The following IBA57 variants were observed in gnomAD, a reference collection of about 807,000 sequenced individuals.
IBA57 encodes the protein iron-sulfur cluster assembly factor IBA57, mitochondrial.
Under a neutral mutation model 20.4 loss-of-function variants are expected in IBA57, and 20 were observed. That is an observed-to-expected ratio of 0.98 (90% CI 0.69 to 1.42). The LOEUF is 1.42. IBA57 is among the 40% of genes most tolerant of loss of function. IBA57 has a pLI of 0.00. For synonymous variants in IBA57, 310 were observed against 233.9 expected (o/e 1.33, Z -2.97); for missense variants, 608 against 499.3 (o/e 1.22, Z -2.07).
At position 228,174,939 on chromosome 1, in the gene IBA57, C is replaced by T. The variant is rs368114681; in HGVS notation, c.589C>T (p.Arg197Trp). The T allele has an allele frequency of 3.8e-6, 6 of 1,577,074 alleles. No homozygotes were observed. Among genetic ancestry groups the T allele is most frequent in the Admixed American group, 3.5e-5 (2 of 57,686 alleles). Residue 197 changes from arginine (R) to tryptophan (W), a missense_variant, in exon 2 of 3, where the codon CGG becomes TGG. Physicochemically the swap from Arg to Trp is moderately radical, Grantham distance 101 (BLOSUM62 -3). Coordinates refer to ENST00000366711, the MANE Select transcript of IBA57 (RefSeq NM_001010867.4). ...RDPRTARMGW[R>W]LLTQDEGPAL... ...CCCGCGAACAGCACGCATGGGGTGG[C>T]GGCTCCTCACCCAGGATGAAGGCCC...
intron 1 of IBA57, chr1:228,171,363 T>G (rs998554573): frequency 5.3e-5 from 8 of 152,002 alleles, no homozygotes; most frequent in African/African-American, 1.9e-4. Flanking sequence ...TGGCAGGGGT[T>G]GGGGTGGGCC....
At chr1:228,167,347 T>C (rs2034866922) in intron 1 of IBA57, among the ~76,000 whole-genome samples, 2 of 124,800 alleles carry the variant, frequency 1.6e-5, no homozygotes, top group South Asian at 5.9e-4. Context: ...CCAGGTGGTC[T>C]GGGGCTTCTT....
At chr1:228,173,837 G>A (rs953101641) in intron 1 of IBA57, among the ~76,000 whole-genome samples, 3 of 152,220 alleles carry the variant, frequency 2.0e-5, no homozygotes, top group African/African-American at 7.2e-5. Context: ...CCTCGGGCAG[G>A]CTATTGCAGT....
Position 228,174,860 on chromosome 1 carries a change from C to A in IBA57, c.510C>A (p.Cys170Ter), listed in dbSNP as rs769596500. The A allele has an allele frequency of 1.9e-6, 3 of 1,609,708 alleles. No individual in the cohort carries two copies. Among genetic ancestry groups the A allele is most frequent in the Middle Eastern group, 1.7e-4 (1 of 5,990 alleles). The change falls in exon 2 of 3, where the codon TGC becomes TGA. Residue 170 changes from cysteine to a stop codon, truncating the protein, a stop_gained. Transcript: ENST00000366711. LOFTEE classifies it high-confidence loss of function. ...WAVLPSSPEA[C>*]GAASLQERAG... ...TGTTGCCCAGTTCCCCTGAGGCCTG[C>A]GGGGCTGCATCGCTGCAGGAGAGGG...
At chr1:228,174,231 G>GTGAC (rs1160060522) in intron 1 of IBA57, among the ~76,000 whole-genome samples, 1 of 206 alleles carries the variant, frequency 4.9e-3, no homozygotes, top group African/African-American at 0.029. Flanking sequence ...CTCGCTGTGG[G>GTGAC]CGTGGCTCGC....
chr1:228,175,087 A>G (rs2034991177), intron 2 of IBA57, 35 bp from the exon 3 acceptor site: 1 of 1,593,598 alleles, frequency 6.3e-7, no homozygotes, highest in East Asian at 2.2e-5. Flanking sequence ...GACGATGTTC[A>G]ATTCTCGCTG....
chr1:228,173,944 C>A (rs1222656799), intron 1 of IBA57, among the ~76,000 whole-genome samples: 2 of 152,362 alleles, frequency 1.3e-5, no homozygotes, highest in Non-Finnish European at 2.9e-5. Flanking sequence ...CAGCTGCGCA[C>A]GGCTGTGGGC....
rs145601697 is a variant in IBA57, at chr1:228,175,261, C to T, written c.819C>T (p.Gly273=). ...TGACGGCCCGCACCCACCACATGGG[C>T]GTCATCCGCAAGCGCCTCTTCCCTG... ...QELTARTHHM[G]VIRKRLFPVR... The change falls in exon 3 of 3, where the codon GGC becomes GGT. Residue 273 remains glycine, a synonymous_variant. Transcript: ENST00000366711. 6.2e-6 allele frequency: 10 copies of T among 1,612,740 alleles called. No individual in the cohort carries two copies. Among genetic ancestry groups the T allele is most frequent in the East Asian group, 2.2e-5 (1 of 44,858 alleles).
chr1:228,166,422 G>C (rs2034854520), intron 1 of IBA57, among the ~76,000 whole-genome samples: 1 of 152,198 alleles, frequency 6.6e-6, no homozygotes, highest in African/African-American at 2.4e-5. Context: ...ACCCAGAGGA[G>C]GGCTTGGCTC....
At chr1:228,172,867 G>C (rs73095424) in intron 1 of IBA57, 1 of 152,270 alleles carries the variant, frequency 6.6e-6, no homozygotes, top group Non-Finnish European at 1.5e-5. Flanking sequence ...ACCTTTCCGC[G>C]GCACACCTGC....
At chr1:228,173,821 T>G (rs1032884179) in intron 1 of IBA57, among the ~76,000 whole-genome samples, 8 of 152,226 alleles carry the variant, frequency 5.3e-5, no homozygotes, top group Non-Finnish European at 1.0e-4. Flanking sequence ...CTACTCCGGA[T>G]GATGCCCTCG....
In IBA57 at chr1:228,179,035, T is replaced by G. The variant is rs2035069281; in HGVS notation, c.*3522T>G. 1 of 151,596 alleles carries G rather than the reference T, an allele frequency of 6.6e-6. No individual in the cohort carries two copies. Among genetic ancestry groups the G allele is most frequent in the Non-Finnish European group, 1.5e-5 (1 of 67,988 alleles). 9.4% of individuals were successfully genotyped at this position (151,596 alleles called of 1,614,324 possible). On this transcript the variant is annotated 3_prime_UTR_variant, in exon 3 of 3. Coordinates refer to ENST00000366711, the MANE Select transcript of IBA57 (RefSeq NM_001010867.4). ...GAGGCGCGCACACCCAGCTGGGCCCTTATCTGTAAGGACTGGCTGGCCTGG... is the reference window on the plus strand; with the variant it reads ...GAGGCGCGCACACCCAGCTGGGCCCGTATCTGTAAGGACTGGCTGGCCTGG...
chr1:228,171,123 G>A (rs899718734), intron 1 of IBA57: 4 of 152,186 alleles, frequency 2.6e-5, no homozygotes, highest in African/African-American at 7.2e-5. Flanking sequence ...ATTTGTTGTC[G>A]ATGTGAAATT....
At chr1:228,166,304 A>C in intron 1 of IBA57, 147 bp downstream of exon 1, 14 of 238,290 alleles carry the variant, frequency 5.9e-5, no homozygotes, top group East Asian at 1.4e-4. Context: ...TGGAAGCTCA[A>C]GGGTGGGTGG....
chr1:228,168,314 A>C (rs1175400362), intron 1 of IBA57, among the ~76,000 whole-genome samples: 1 of 152,230 alleles, frequency 6.6e-6, no homozygotes, highest in Non-Finnish European at 1.5e-5. Flanking sequence ...AAACATAAAA[A>C]ATATGTGCCA....
rs1325558551 is a variant in IBA57, at chr1:228,175,428, G to C, written c.986G>C (p.Gly329Ala). The C allele has an allele frequency of 6.2e-7, 1 of 1,612,644 alleles. No individual in the cohort carries two copies. Among genetic ancestry groups the C allele is most frequent in the Non-Finnish European group, 8.5e-7 (1 of 1,179,808 alleles). The change falls in exon 3 of 3, where the codon GGT becomes GCT. Residue 329 changes from glycine to alanine, a missense_variant. Transcript: ENST00000366711. The stretch of plus-strand genomic sequence containing the variant: ...CTGCTGTGGTCAGAGAAGATCAAGG[G>C]TCCTCTGCACATCAGAGCCTCTGAG... ...LALLWSEKIKGPLHIRASEGA... is the reference protein window; with the variant it reads ...LALLWSEKIKAPLHIRASEGA...
chr1:228,175,623 C>A lies in IBA57; in HGVS notation c.*110C>A, dbSNP rs2035006255. On this transcript the variant is annotated 3_prime_UTR_variant, in exon 3 of 3. Transcript: ENST00000366711. ...GTCTGCTGCGCCTACTGGGTGGGAG[C>A]CCTGGTTTCCATCTGGGAAAGTCCC... The A allele has an allele frequency of 2.2e-6, 3 of 1,364,506 alleles. No individual in the cohort carries two copies. Among genetic ancestry groups the A allele is most frequent in the Admixed American group, 2.7e-5 (1 of 37,374 alleles). 84.5% of individuals were successfully genotyped at this position (1,364,506 alleles called of 1,614,324 possible).
At chr1:228,168,374 A>G (rs1284868335) in intron 1 of IBA57, among the ~76,000 whole-genome samples, 1 of 152,206 alleles carries the variant, frequency 6.6e-6, no homozygotes, top group Non-Finnish European at 1.5e-5. Context: ...GGAGTCTGTT[A>G]GTAGTTAAGC....
At position 228,178,130 on chromosome 1, in the gene IBA57, C is replaced by T. The variant is rs1387217471; in HGVS notation, c.*2617C>T. On this transcript the variant is annotated 3_prime_UTR_variant, in exon 3 of 3. Transcript: ENST00000366711. ...CTCCTGCCTCCCCTCGTTAGAGTCC[C>T]CCACATCCGCCTTCCACTTTCTGAG... 6.6e-6 allele frequency: 1 copy of T among 152,250 alleles called. No individual in the cohort carries two copies. Among genetic ancestry groups the T allele is most frequent in the Non-Finnish European group, 1.5e-5 (1 of 68,096 alleles). The allele number at this position is 152,250 out of a possible 1,614,324, so 9.4% of individuals were successfully genotyped here.
Sources: allele counts gnomAD v4.1 joint callset (sites outside exome capture counted in the v4.1 genomes callset), GRCh38; gene constraint gnomAD v4.1.1; transcripts MANE v1.5; gene names NCBI Gene and HGNC (gene_info 2026-07-23, HGNC 2026-07-21).